TSPAN5: variants seen among roughly 807,000 people sequenced by gnomAD.
TSPAN5 encodes tetraspanin-5.
Under a neutral mutation model 37.1 loss-of-function variants are expected in TSPAN5, and 10 were observed. The ratio of observed to expected loss-of-function variants is 0.27; its 90% CI spans 0.17 to 0.46. The LOEUF (loss-of-function observed/expected upper bound fraction) is 0.46, where lower values mean the gene tolerates loss of function less well. TSPAN5 is among the 20% of genes least tolerant of loss of function. The probability of loss-of-function intolerance (pLI) is 1.00; values close to 1 mark genes in which losing one functional copy is unlikely to be tolerated. For missense variants in TSPAN5, 195 were observed against 326.6 expected (o/e 0.60, Z 3.11); for synonymous variants, 110 against 118.9 (o/e 0.93, Z 0.48).
At chr4:98,552,440 T>C (rs1043614694) in intron 1 of TSPAN5, among the ~76,000 whole-genome samples, 2 of 152,198 alleles carry the variant, frequency 1.3e-5, no homozygotes, top group African/African-American at 4.8e-5. Flanking sequence ...TCGACCTTTT[T>C]AGTGAACACC....
Position 98,594,463 on chromosome 4 carries a change from C to T in TSPAN5, c.81+63683G>A, listed in dbSNP as rs1309944161. Reference sequence around the variant, plus strand: ...TCCTGCCTGATTGCCCTGGCCAGAACTTCCAACACTATGTTGAATAGGAGC... The same window carrying T: ...TCCTGCCTGATTGCCCTGGCCAGAATTTCCAACACTATGTTGAATAGGAGC... On this transcript the variant is annotated intron_variant, in intron 1 of 7. Transcript: ENST00000305798. Among the ~76,000 whole-genome samples the T allele has an allele frequency of 9.7e-5, 5 of 51,402 alleles. 2 individuals carry two copies. The highest frequency in any genetic ancestry group is 1.5e-4 in the Non-Finnish European group (5 of 32,536). The allele number at this position is 51,402 out of a possible 152,430, so 33.7% of individuals were successfully genotyped here. A position where few individuals can be genotyped will look rare whatever the true frequency, so the allele number is the denominator to read the frequency against.
At chr4:98,542,492 G>T (rs529363832) in intron 1 of TSPAN5, among the ~76,000 whole-genome samples, 1 of 152,058 alleles carries the variant, frequency 6.6e-6, no homozygotes, top group Non-Finnish European at 1.5e-5. Context: ...GAGGTGGCAG[G>T]ATCGCTTAAG....
Position 98,594,280 on chromosome 4 carries a change from C to T in TSPAN5, c.81+63866G>A, listed in dbSNP as rs1265703957. Among the ~76,000 whole-genome samples the T allele has an allele frequency of 1.6e-5, 2 of 121,696 alleles. 1 individual carries two copies. The highest frequency in any genetic ancestry group is 8.0e-5 in the African/African-American group (2 of 24,996). The allele number at this position is 121,696 out of a possible 152,430, so 79.8% of individuals were successfully genotyped here. ...TATAAGAATGCTTGTGATTTTTGTA[C>T]ATTGATTTTGTATCCTGAGACTTTG... On this transcript the variant is annotated intron_variant, in intron 1 of 7. Transcript: ENST00000305798.
intron 1 of TSPAN5, among the ~76,000 whole-genome samples, chr4:98,656,919 G>A (rs1757305286): frequency 6.6e-6 from 1 of 152,174 alleles, no homozygotes; most frequent in Non-Finnish European, 1.5e-5. Flanking sequence ...CAAATTAAAG[G>A]AGAATTCAAA....
At chr4:98,535,768 T>C (rs1754216987) in intron 1 of TSPAN5, among the ~76,000 whole-genome samples, 1 of 152,218 alleles carries the variant, frequency 6.6e-6, no homozygotes, top group African/African-American at 2.4e-5. Context: ...TCTTCTTTCT[T>C]TATTTCATTA....
At chr4:98,615,920 G>C (rs1756323679) in intron 1 of TSPAN5, among the ~76,000 whole-genome samples, 1 of 152,142 alleles carries the variant, frequency 6.6e-6, no homozygotes, top group Non-Finnish European at 1.5e-5. Context: ...AAATGTCAGG[G>C]CACGTGGCAA....
chr4:98,619,993 T>C (rs1438947555), intron 1 of TSPAN5, among the ~76,000 whole-genome samples: 1 of 152,144 alleles, frequency 6.6e-6, no homozygotes, highest in Non-Finnish European at 1.5e-5. Flanking sequence ...TTTCAACACA[T>C]GAATTCTGGG....
At chr4:98,618,504 C>T (rs181646529) in intron 1 of TSPAN5, among the ~76,000 whole-genome samples, 19 of 152,280 alleles carry the variant, frequency 1.2e-4, no homozygotes, top group Middle Eastern at 3.4e-3. Flanking sequence ...AGCTTCACTA[C>T]GTGGCAAACT....
chr4:98,499,151 G>A (rs1753284579), intron 2 of TSPAN5, among the ~76,000 whole-genome samples: 7 of 152,202 alleles, frequency 4.6e-5, no homozygotes, highest in Admixed American at 3.3e-4. Context: ...CAGCAGGGGA[G>A]CTTCACAAAG....
chr4:98,550,674 G>C (rs1754595454), intron 1 of TSPAN5, among the ~76,000 whole-genome samples: 2 of 150,364 alleles, frequency 1.3e-5, no homozygotes, highest in Non-Finnish European at 3.0e-5. Flanking sequence ...TCCTCGGCTA[G>C]ATCATTACTG....
intron 1 of TSPAN5, among the ~76,000 whole-genome samples, chr4:98,588,387 C>T (rs537237595): frequency 1.2e-4 from 18 of 150,112 alleles, no homozygotes; most frequent in Admixed American, 1.1e-3. Flanking sequence ...GTGTTAACTT[C>T]GGTTCAAAAA....
chr4:98,578,468 C>T (rs1057469154), intron 1 of TSPAN5, among the ~76,000 whole-genome samples: 8 of 152,098 alleles, frequency 5.3e-5, no homozygotes, highest in Admixed American at 2.0e-4. Flanking sequence ...CTCTGTCGCC[C>T]AGGCTGGAGT....
chr4:98,500,612 G>T (rs1753323342), intron 2 of TSPAN5, among the ~76,000 whole-genome samples: 1 of 152,232 alleles, frequency 6.6e-6, no homozygotes, highest in Non-Finnish European at 1.5e-5. Context: ...CTATGAAATA[G>T]AATGTCATTC....
intron 1 of TSPAN5, among the ~76,000 whole-genome samples, chr4:98,590,755 G>A (rs11938479): frequency 0.1 from 15,739 of 151,606 alleles, 869 homozygotes; most frequent in African/African-American, 0.12. Context: ...ACTTGTCCGA[G>A]GTCACAGTGC....
At chr4:98,575,354 T>G (rs1028522161) in intron 1 of TSPAN5, among the ~76,000 whole-genome samples, 5 of 151,288 alleles carry the variant, frequency 3.3e-5, no homozygotes, top group African/African-American at 4.9e-5. Context: ...TCTAACAGGC[T>G]GGCGGGCTCT....
chr4:98,598,760 GC>G (rs1755816310), intron 1 of TSPAN5, among the ~76,000 whole-genome samples: 1 of 152,158 alleles, frequency 6.6e-6, no homozygotes, highest in Non-Finnish European at 1.5e-5. Flanking sequence ...GAGCCACCGT[GC>G]CTGGCCCCTC....
At chr4:98,524,208 T>C (rs542537795) in intron 1 of TSPAN5, among the ~76,000 whole-genome samples, 1 of 152,358 alleles carries the variant, frequency 6.6e-6, no homozygotes, top group Admixed American at 6.5e-5. Flanking sequence ...AAAGAGGACC[T>C]AAAATCCTTT....
At chr4:98,498,554 C>T (rs982381945) in intron 2 of TSPAN5, among the ~76,000 whole-genome samples, 6 of 152,252 alleles carry the variant, frequency 3.9e-5, no homozygotes, top group Middle Eastern at 3.4e-3. Flanking sequence ...TTGTGCGCCT[C>T]GGTGAAATCT....
intron 1 of TSPAN5, among the ~76,000 whole-genome samples, chr4:98,526,699 A>G (rs1203484677): frequency 6.7e-6 from 1 of 148,948 alleles, no homozygotes; most frequent in East Asian, 2.1e-4. Context: ...GAGGGGGTAC[A>G]GGTCTCAAGG....
Sources: gnomAD v4.1 joint callset for allele counts (sites outside exome capture counted in the v4.1 genomes callset) on GRCh38, gnomAD v4.1.1 for gene constraint, MANE v1.5 for transcripts, NCBI Gene and HGNC (gene_info 2026-07-23, HGNC 2026-07-21) for gene names.